Variants in CEP112 observed in about 807,000 individuals in gnomAD.
The protein encoded by CEP112 is centrosomal protein 112.
CEP112 carries 127 observed loss-of-function variants against 153.0 expected under a neutral mutation model. The ratio of observed to expected loss-of-function variants is 0.83; its 90% CI spans 0.72 to 0.96. The LOEUF is 0.96. Ranked by LOEUF, CEP112 falls within the 40% of genes least tolerant of loss-of-function variation. The pLI is 0.00. For missense variants in CEP112, 1,089 were observed against 1,101.2 expected (o/e 0.99, Z 0.16); for synonymous variants, 358 against 374.4 (o/e 0.96, Z 0.51).
intron 18 of CEP112, among the ~76,000 whole-genome samples, chr17:65,928,887 G>GA (rs1008544905): frequency 2.6e-5 from 4 of 151,710 alleles, no homozygotes; most frequent in African/African-American, 7.3e-5. Flanking sequence ...ATTATAAATA[G>GA]AAAAAAAACT....
chr17:65,639,562 GT>G, intron 25 of CEP112, among the ~76,000 whole-genome samples: 1 of 151,704 alleles, frequency 6.6e-6, no homozygotes, highest in Admixed American at 6.6e-5. Flanking sequence ...GCATGCACCT[GT>G]AATCCCAGTT....
intron 21 of CEP112, among the ~76,000 whole-genome samples, chr17:65,829,476 A>G (rs2056990048): frequency 6.6e-6 from 1 of 152,152 alleles, no homozygotes; most frequent in Admixed American, 6.5e-5. Flanking sequence ...CCCTCAAAGA[A>G]GGTCTAAACA....
At chr17:65,878,163 T>C (rs2058908121) in intron 20 of CEP112, among the ~76,000 whole-genome samples, 1 of 152,032 alleles carries the variant, frequency 6.6e-6, no homozygotes, top group Non-Finnish European at 1.5e-5. Flanking sequence ...AAATTTGTTA[T>C]GAGGGTAGAT....
At chr17:65,767,916 T>C (rs1265926393) in intron 21 of CEP112, among the ~76,000 whole-genome samples, 1 of 152,098 alleles carries the variant, frequency 6.6e-6, no homozygotes, top group Non-Finnish European at 1.5e-5. Flanking sequence ...AAACCAGATG[T>C]CTTCATGGCT....
chr17:65,810,715 T>G (rs1365472675), intron 21 of CEP112, among the ~76,000 whole-genome samples: 1 of 151,974 alleles, frequency 6.6e-6, no homozygotes, highest in Non-Finnish European at 1.5e-5. Context: ...TATTTTTATA[T>G]TTTTGAAATA....
chr17:65,915,730 G>A (rs1209678074), intron 19 of CEP112, among the ~76,000 whole-genome samples: 1 of 147,508 alleles, frequency 6.8e-6, no homozygotes, highest in Non-Finnish European at 1.5e-5. Context: ...GGAGGCTGCA[G>A]TGAGCTGAGA....
intron 20 of CEP112, among the ~76,000 whole-genome samples, chr17:65,861,870 T>C (rs1420580749): frequency 1.3e-5 from 2 of 152,244 alleles, no homozygotes; most frequent in African/African-American, 4.8e-5. Context: ...ATAAGCTATA[T>C]CTGTTGAGAA....
chr17:65,703,066 T>G (rs918121929), intron 23 of CEP112, among the ~76,000 whole-genome samples: 1 of 152,148 alleles, frequency 6.6e-6, no homozygotes, highest in Non-Finnish European at 1.5e-5. Flanking sequence ...TATCTGTAGT[T>G]TCAAGCAACC....
At chr17:66,140,219 T>C (rs2070630919) in intron 4 of CEP112, among the ~76,000 whole-genome samples, 3 of 151,972 alleles carry the variant, frequency 2.0e-5, no homozygotes, top group Admixed American at 6.5e-5. Context: ...ATGACGAAAT[T>C]CAATATTTTT....
intron 4 of CEP112, among the ~76,000 whole-genome samples, chr17:66,158,236 AC>A (rs1340093504): frequency 1.3e-5 from 2 of 152,188 alleles, no homozygotes; most frequent in Non-Finnish European, 2.9e-5. Flanking sequence ...TAAGAAACTC[AC>A]TCAAAACCGC....
Position 66,013,750 on chromosome 17 carries a change from T to C in CEP112, c.1657-7981A>G, listed in dbSNP as rs552212198. Among the ~76,000 whole-genome samples, 6 of 152,314 alleles carry C rather than the reference T, an allele frequency of 3.9e-5. No individual in the cohort carries two copies. In the Middle Eastern group the frequency reaches 0.014, roughly 345 times the overall value. On this transcript the variant is annotated intron_variant, in intron 16 of 26. Coordinates refer to ENST00000535342, the MANE Select transcript of CEP112 (RefSeq NM_001199165.4). ...GTAGTACACCAGGGTTCACCCTTGTTAGCTGGGGTGGGGCGCTGGCAGACC... is the reference window on the plus strand; with the variant it reads ...GTAGTACACCAGGGTTCACCCTTGTCAGCTGGGGTGGGGCGCTGGCAGACC...
chr17:66,142,883 A>G (rs1203325141), intron 4 of CEP112, among the ~76,000 whole-genome samples: 1 of 152,164 alleles, frequency 6.6e-6, no homozygotes, highest in African/African-American at 2.4e-5. Context: ...GTTGTGAAAA[A>G]AGCCGTTGGA....
At chr17:65,641,389 G>A (rs920321314) in intron 24 of CEP112, among the ~76,000 whole-genome samples, 1 of 152,180 alleles carries the variant, frequency 6.6e-6, no homozygotes, top group Non-Finnish European at 1.5e-5. Context: ...TAGCCCTGCA[G>A]CCTCTCCTTG....
At chr17:66,152,787 T>C (rs748736723) in intron 4 of CEP112, among the ~76,000 whole-genome samples, 25 of 152,294 alleles carry the variant, frequency 1.6e-4, no homozygotes, top group Non-Finnish European at 2.4e-4. Context: ...AGAATTGTTA[T>C]GAACTAGTGA....
chr17:65,694,995 C>T (rs924250150), intron 23 of CEP112, among the ~76,000 whole-genome samples: 2 of 152,182 alleles, frequency 1.3e-5, no homozygotes, highest in African/African-American at 4.8e-5. Context: ...CCTAGCTCTG[C>T]AGTGTTAACT....
At chr17:66,099,519 A>G (rs2068480009) in intron 6 of CEP112, among the ~76,000 whole-genome samples, 1 of 127,994 alleles carries the variant, frequency 7.8e-6, no homozygotes, top group African/African-American at 2.6e-5. Context: ...AAAAAAAAAA[A>G]AAAAAGAATA....
At position 65,813,522 on chromosome 17, in the gene CEP112, T is replaced by C. The variant is rs1052282232; in HGVS notation, c.2394+38282A>G. On this transcript the variant is annotated intron_variant, in intron 21 of 26. Transcript: ENST00000535342. ...TGGTTGGATTTGCTTGGAAATAGCA[T>C]GAGAAGCCAACATTCCTGACATAGG... Among the ~76,000 whole-genome samples, 52 of 152,112 alleles carry C rather than the reference T, an allele frequency of 3.4e-4. 4 individuals carry two copies. The highest frequency in any genetic ancestry group is 7.4e-5 in the Non-Finnish European group (5 of 67,976).
intron 19 of CEP112, among the ~76,000 whole-genome samples, chr17:65,907,604 C>T (rs1598966444): frequency 6.6e-6 from 1 of 152,274 alleles, no homozygotes; most frequent in South Asian, 2.1e-4. Context: ...TTTTCCTAGG[C>T]TTCCGCACCA....
chr17:65,774,320 G>C (rs2053555837), intron 21 of CEP112, among the ~76,000 whole-genome samples: 4 of 152,122 alleles, frequency 2.6e-5, no homozygotes, highest in Admixed American at 2.6e-4. Context: ...TTAAGCCTGG[G>C]AGATGGGGAA....
Sources: gnomAD v4.1 joint callset for allele counts (sites outside exome capture counted in the v4.1 genomes callset) on GRCh38, gnomAD v4.1.1 for gene constraint, MANE v1.5 for transcripts, NCBI Gene and HGNC (gene_info 2026-07-23, HGNC 2026-07-21) for gene names.